Variants in CASP10 observed in about 807,000 individuals in gnomAD.
The protein encoded by CASP10 is caspase-10.
Under a neutral mutation model 48.5 loss-of-function variants are expected in CASP10, and 41 were observed. The observed-to-expected ratio is 0.85, with a 90% CI of 0.66 to 1.10. The LOEUF (loss-of-function observed/expected upper bound fraction) is 1.10. Among genes scored for constraint, CASP10 ranks in the 50% least tolerant of loss-of-function variants. The pLI is 0.00. For synonymous variants in CASP10, 232 were observed against 238.4 expected, an observed-to-expected ratio of 0.97 and a Z score of 0.25; for missense variants, 614 against 614.5, an observed-to-expected ratio of 1.00 and a Z score of 0.01.
At chr2:201,200,646 G>A in intron 5 of CASP10, 1 of 1,424,662 alleles carries the variant, frequency 7.0e-7, no homozygotes, top group Non-Finnish European at 9.2e-7. Flanking sequence ...GGCATTTGAG[G>A]GAATCTCAGC....
intron 5 of CASP10, among the ~76,000 whole-genome samples, chr2:201,199,789 G>C (rs1293120045): frequency 3.3e-5 from 5 of 151,818 alleles, no homozygotes; most frequent in African/African-American, 1.2e-4. Flanking sequence ...TGGCCAGGCT[G>C]GTCTCGTACT....
In CASP10 at chr2:201,220,222, T is replaced by G; in HGVS notation, c.*2481T>G. 2 of 837,042 alleles carry G rather than the reference T, an allele frequency of 2.4e-6. No individual in the cohort carries two copies. The highest frequency in any genetic ancestry group is 2.9e-6 in the Non-Finnish European group (2 of 694,544). 51.9% of individuals were successfully genotyped at this position (837,042 alleles called of 1,614,324 possible). ...ACCGCCACTTTAAGTTCCAGTTCCC[T>G]TTCTAGCCTCATGCATTTCAAGGAA... is the stretch of plus-strand genomic sequence containing the variant. On this transcript the variant is annotated 3_prime_UTR_variant, in exon 10 of 10. Transcript: ENST00000286186.
Position 201,218,054 on chromosome 2 carries a change from C to T in CASP10, c.*313C>T. The T allele has an allele frequency of 4.1e-6, 3 of 732,760 alleles. No individual in the cohort carries two copies. The South Asian group carries it at 5.7e-5, about 14-fold the overall frequency. 45.4% of individuals were successfully genotyped at this position (732,760 alleles called of 1,614,324 possible). A position where few individuals can be genotyped will look rare whatever the true frequency, so the allele number is the denominator to read the frequency against. On this transcript the variant is annotated 3_prime_UTR_variant, in exon 10 of 10. Transcript: ENST00000286186. ...TCAGCTTCCCAAGTAGCTGGGACCA[C>T]AGGTGTGTACCACCGTGCCCGGATT...
At chr2:201,207,761 A>G (rs1559307722) in intron 7 of CASP10, among the ~76,000 whole-genome samples, 1 of 151,820 alleles carries the variant, frequency 6.6e-6, no homozygotes, top group Non-Finnish European at 1.5e-5. Flanking sequence ...TGTCTCAAAA[A>G]AAAAAAAAAA....
At chr2:201,198,539 C>CTTTTTTTTTTTT (rs34234167) in intron 5 of CASP10, among the ~76,000 whole-genome samples, 1 of 87,980 alleles carries the variant, frequency 1.1e-5, no homozygotes, top group Non-Finnish European at 2.1e-5. Flanking sequence ...TTTTTTAATT[C>CTTTTTTTTTTTT]TTTTTTTTTT....
chr2:201,186,226 C>T (rs1056486228), intron 2 of CASP10, 102 bp downstream of exon 2: 6 of 827,948 alleles, frequency 7.2e-6, no homozygotes, highest in African/African-American at 1.7e-5. Context: ...TTTTGGTTAT[C>T]TACCTCCTTG....
At chr2:201,215,824 T>C (rs1361580965) in intron 9 of CASP10, among the ~76,000 whole-genome samples, 1 of 152,164 alleles carries the variant, frequency 6.6e-6, no homozygotes, top group Non-Finnish European at 1.5e-5. Context: ...TGTTTTGTTT[T>C]GTTTTAGAGA....
intron 6 of CASP10, among the ~76,000 whole-genome samples, chr2:201,205,251 G>A (rs1166509174): frequency 4.0e-5 from 6 of 148,840 alleles, no homozygotes; most frequent in Non-Finnish European, 8.9e-5. Context: ...TTGAGACAGG[G>A]CCTCACTCTG....
Position 201,209,351 on chromosome 2 carries a change from CA to C in CASP10, c.1206del (p.Gly403ValfsTer15). 6.2e-7 allele frequency: 1 copy of C among 1,613,130 alleles called. No homozygotes were observed. Among genetic ancestry groups the C allele is most frequent in the Non-Finnish European group, 8.5e-7 (1 of 1,179,308 alleles). ...KPKLFFIQAC[Q>X]GEEIQPSVSI... The stretch of plus-strand genomic sequence containing the variant: ...TAAACTCTTTTTCATCCAGGCCTGC[CA>C]AGGTGAAGAGATACAGCCTTCCGTA... On this transcript the variant is annotated frameshift_variant, in exon 9 of 10. Transcript: ENST00000286186. LOFTEE classifies it high-confidence loss of function.
intron 6 of CASP10, among the ~76,000 whole-genome samples, chr2:201,204,216 C>G (rs1305045809): frequency 6.6e-6 from 1 of 152,202 alleles, no homozygotes; most frequent in African/African-American, 2.4e-5. Flanking sequence ...GTGTTTAGTT[C>G]CCTGAATCCC....
At chr2:201,228,033 A>T (rs1467635026) in intron 9 of CASP10, among the ~76,000 whole-genome samples, 1 of 151,714 alleles carries the variant, frequency 6.6e-6, no homozygotes, top group Non-Finnish European at 1.5e-5. Flanking sequence ...CATTTGAAGA[A>T]CCTTCAAAAA....
chr2:201,206,024 A>G (rs1439778825), intron 7 of CASP10, 51 bp downstream of exon 7: 1 of 1,203,710 alleles, frequency 8.3e-7, no homozygotes, highest in Non-Finnish European at 1.2e-6. Context: ...TTTTTTTCCA[A>G]ATTTAATCAA....
Position 201,218,015 on chromosome 2 carries a change from G to C in CASP10, c.*274G>C. ...TGTAGTCTCGACCTCCCAGGCTCAA[G>C]CTGTCCTCCCGCCTCAGCTTCCCAA... On this transcript the variant is annotated 3_prime_UTR_variant, in exon 10 of 10. Coordinates refer to ENST00000286186, the MANE Select transcript of CASP10 (RefSeq NM_032977.4). The C allele has an allele frequency of 1.1e-6, 1 of 890,848 alleles. No homozygotes were observed. Among genetic ancestry groups the C allele is most frequent in the Non-Finnish European group, 1.5e-6 (1 of 658,064 alleles). 55.2% of individuals were successfully genotyped at this position (890,848 alleles called of 1,614,324 possible).
Position 201,218,836 on chromosome 2 carries a change from G to T in CASP10, c.*1095G>T. The T allele has an allele frequency of 3.0e-6, 3 of 985,384 alleles. No homozygotes were observed. Among genetic ancestry groups the T allele is most frequent in the Non-Finnish European group, 3.6e-6 (3 of 829,938 alleles). The allele number at this position is 985,384 out of a possible 1,614,324, so 61.0% of individuals were successfully genotyped here. A position where few individuals can be genotyped will look rare whatever the true frequency, so the allele number is the denominator to read the frequency against. ...TGAGGTGAAAATTTGGTCTATGCCA[G>T]GCCCATTTCCTGCTTTTGTGTAAGG... is the stretch of plus-strand genomic sequence containing the variant. On this transcript the variant is annotated 3_prime_UTR_variant, in exon 10 of 10. Coordinates refer to ENST00000286186, the MANE Select transcript of CASP10 (RefSeq NM_032977.4).
chr2:201,187,880 G>C, intron 3 of CASP10, 81 bp downstream of exon 3: 1 of 1,063,198 alleles, frequency 9.4e-7, no homozygotes, highest in Non-Finnish European at 1.5e-6. Flanking sequence ...GGTTTTTAGG[G>C]AGATTTATTT....
intron 9 of CASP10, among the ~76,000 whole-genome samples, chr2:201,210,769 A>G (rs41401945): frequency 0.034 from 5,213 of 152,272 alleles, 116 homozygotes; most frequent in Middle Eastern, 0.092. Context: ...GCAACTGTGT[A>G]CAAGAGAGAC....
intron 5 of CASP10, among the ~76,000 whole-genome samples, chr2:201,196,385 T>C (rs183065882): frequency 3.3e-4 from 51 of 152,344 alleles, no homozygotes; most frequent in African/African-American, 1.2e-3. Flanking sequence ...AAATTCTTAA[T>C]GTATTGAACA....
chr2:201,195,084 T>C (rs1011989767), intron 4 of CASP10, among the ~76,000 whole-genome samples: 1 of 149,536 alleles, frequency 6.7e-6, no homozygotes, highest in Non-Finnish European at 1.5e-5. Context: ...GCTTGAGCTT[T>C]GTTATTTTTA....
rs1385687537 is a variant in CASP10 at position 201,208,963 on chromosome 2, C to T, written c.923-107C>T. 3 of 1,235,552 alleles carry T rather than the reference C, an allele frequency of 2.4e-6. No homozygotes were observed. The Admixed American group carries it at 6.7e-5, about 28-fold the overall frequency. 76.5% of individuals were successfully genotyped at this position (1,235,552 alleles called of 1,614,324 possible). The stretch of plus-strand genomic sequence containing the variant: ...AAAGTGCTGAGATTATAGGTGTGAG[C>T]CACTGTGCCCGGCCTTGTTTCAGTT... On this transcript the variant is annotated intron_variant, in intron 8 of 9. Coordinates refer to ENST00000286186, the MANE Select transcript of CASP10 (RefSeq NM_032977.4).
Sources: gnomAD v4.1 joint callset for allele counts (sites outside exome capture counted in the v4.1 genomes callset) on GRCh38, gnomAD v4.1.1 for gene constraint, MANE v1.5 for transcripts, NCBI Gene and HGNC (gene_info 2026-07-23, HGNC 2026-07-21) for gene names.